ITPK1: variants seen among roughly 807,000 people sequenced by gnomAD.
ITPK1 encodes inositol-tetrakisphosphate 1-kinase, also known as inositol 1,3,4-trisphosphate 5/6-kinase.
ITPK1 carries 21 observed loss-of-function variants against 45.3 expected under a neutral mutation model. The observed-to-expected ratio is 0.46, with a 90% confidence interval of 0.33 to 0.67. The LOEUF is 0.67. Ranked by LOEUF, ITPK1 falls within the 30% of genes least tolerant of loss-of-function variation. The pLI is 0.02. For synonymous variants in ITPK1, 258 were observed against 253.6 expected, an observed-to-expected ratio of 1.02 and a Z score of -0.16; for missense variants, 474 against 573.5, an observed-to-expected ratio of 0.83 and a Z score of 1.77.
chr14:93,060,341 C>T (rs1272741848), intron 3 of ITPK1, among the ~76,000 whole-genome samples: 1 of 152,198 alleles, frequency 6.6e-6, no homozygotes, highest in Non-Finnish European at 1.5e-5. Context: ...TTCCTGCAAG[C>T]TCCCTGGCTA....
intron 5 of ITPK1, among the ~76,000 whole-genome samples, chr14:92,969,443 C>T (rs1467224188): frequency 1.3e-5 from 2 of 152,182 alleles, no homozygotes; most frequent in African/African-American, 4.8e-5. Context: ...AAAGGCCCAA[C>T]CTGCTGCTCT....
Position 93,032,014 on chromosome 14 carries a change from A to T in ITPK1, c.121-15213T>A, listed in dbSNP as rs1889085475. 6.6e-6 allele frequency among the ~76,000 whole-genome samples: 1 copy of T among 152,170 alleles called. No homozygotes were observed. The highest frequency in any genetic ancestry group is 2.4e-5 in the African/African-American group (1 of 41,448). The stretch of plus-strand genomic sequence containing the variant: ...ATTCATTGCTTTCCAATCCGAAGAG[A>T]GCATTCCTTGAGGCAGTTTTCCAAA... On this transcript the variant is annotated intron_variant, in intron 3 of 10. Coordinates refer to ENST00000267615, the MANE Select transcript of ITPK1 (RefSeq NM_014216.6). This position sits in a 1 kb window ranked among gnomAD's most constrained non-coding sequence, Gnocchi z 4.0.
rs1432279615 is a variant in ITPK1, at chr14:92,958,495, C to T, written c.505-129G>A. 3.1e-5 allele frequency: 25 copies of T among 807,446 alleles called. No homozygotes were observed. The highest frequency in any genetic ancestry group is 4.9e-5 in the Non-Finnish European group (25 of 506,418). The allele number at this position is 807,446 out of a possible 1,614,324, so 50.0% of individuals were successfully genotyped here. ...CCTGGTCCTGTGGCATGAGGACTCCCCTAGAGGAGCCTTGAGCCAGGGTGA... is the reference window on the plus strand; with the variant it reads ...CCTGGTCCTGTGGCATGAGGACTCCTCTAGAGGAGCCTTGAGCCAGGGTGA... On this transcript the variant is annotated intron_variant, in intron 7 of 10. Transcript: ENST00000267615. The surrounding 1 kb of genome is among the most constrained non-coding windows in gnomAD (Gnocchi z 4.4).
chr14:93,033,609 G>GA (rs774419950), intron 3 of ITPK1, among the ~76,000 whole-genome samples: 1 of 152,176 alleles, frequency 6.6e-6, no homozygotes, highest in Non-Finnish European at 1.5e-5. Context: ...CTCCTGCTGA[G>GA]AAAACCAAAC....
chr14:92,940,506 T>C lies in ITPK1; in HGVS notation c.*1055A>G. On this transcript the variant is annotated 3_prime_UTR_variant, in exon 11 of 11. Transcript: ENST00000267615. ...AGTGCTTGGGGCTTGCAATGAGAGG[T>C]GGACCAGGCCTGCTGGGTGAGGAGG... 1.8e-6 allele frequency: 2 copies of C among 1,142,254 alleles called. No individual in the cohort carries two copies. Among genetic ancestry groups the C allele is most frequent in the Non-Finnish European group, 2.2e-6 (2 of 917,682 alleles). 70.8% of individuals were successfully genotyped at this position (1,142,254 alleles called of 1,614,324 possible).
At chr14:92,981,980 C>T (rs1020980073) in intron 5 of ITPK1, among the ~76,000 whole-genome samples, 2 of 152,228 alleles carry the variant, frequency 1.3e-5, no homozygotes, top group Non-Finnish European at 1.5e-5. Flanking sequence ...AAGAGGGGTG[C>T]CCCTGGGGTT....
chr14:92,960,991 C>T (rs533917083), intron 7 of ITPK1, among the ~76,000 whole-genome samples: 58 of 152,394 alleles, frequency 3.8e-4, no homozygotes, highest in African/African-American at 1.1e-3. Flanking sequence ...GCATGTGCTG[C>T]GCTACGCTGA....
At chr14:93,037,902 T>C (rs1283449680) in intron 3 of ITPK1, among the ~76,000 whole-genome samples, 1 of 152,246 alleles carries the variant, frequency 6.6e-6, no homozygotes, top group Non-Finnish European at 1.5e-5. Flanking sequence ...TAACTTAATC[T>C]CAGAGATAGC....
chr14:93,018,380 CTGGCTCTCGGGCCTGCCCACACCCTGTGA>C (rs1888296542), intron 3 of ITPK1, among the ~76,000 whole-genome samples: 1 of 152,106 alleles, frequency 6.6e-6, no homozygotes, highest in South Asian at 2.1e-4. Flanking sequence ...TTGTCCTGTG[CTGGCTCTCGGGCCTGCCCACACCCTGTGA>C]TGGTCCCTTA....
At chr14:92,953,214 G>A (rs1251860830) in intron 8 of ITPK1, among the ~76,000 whole-genome samples, 7 of 152,270 alleles carry the variant, frequency 4.6e-5, no homozygotes, top group Non-Finnish European at 5.9e-5. Flanking sequence ...TGATTCGGGC[G>A]GAAGCCAAGC....
intron 5 of ITPK1, among the ~76,000 whole-genome samples, chr14:92,985,619 T>C (rs1199159604): frequency 6.6e-6 from 1 of 151,884 alleles, no homozygotes; most frequent in Admixed American, 6.6e-5. Flanking sequence ...CAGGTACACA[T>C]TTGCAAACAC....
At chr14:92,981,068 C>A (rs1360266311) in intron 5 of ITPK1, among the ~76,000 whole-genome samples, 1 of 152,192 alleles carries the variant, frequency 6.6e-6, no homozygotes, top group Non-Finnish European at 1.5e-5. Context: ...AGCCCCCCAG[C>A]ACTGTCCTGC....
At chr14:93,113,888 C>T (rs1418324167) in intron 2 of ITPK1, among the ~76,000 whole-genome samples, 2 of 152,194 alleles carry the variant, frequency 1.3e-5, no homozygotes, top group Non-Finnish European at 2.9e-5. Context: ...GCGGGGCTTG[C>T]ACGGGGCAAA....
intron 2 of ITPK1, among the ~76,000 whole-genome samples, chr14:93,082,400 G>T (rs1305001601): frequency 6.6e-6 from 1 of 152,170 alleles, no homozygotes; most frequent in Non-Finnish European, 1.5e-5. Flanking sequence ...GGCAGGAGCG[G>T]AAGAGGTGGG....
intron 3 of ITPK1, among the ~76,000 whole-genome samples, chr14:93,028,108 G>C (rs746259679): frequency 6.6e-6 from 1 of 152,196 alleles, no homozygotes; most frequent in Non-Finnish European, 1.5e-5. Context: ...CCTTGCACAC[G>C]CACAGGAGCC....
At position 92,980,024 on chromosome 14, in the gene ITPK1, AC is replaced by A. The variant is rs538762053; in HGVS notation, c.364+13855del. Among the ~76,000 whole-genome samples, 134 of 151,780 alleles carry A rather than the reference AC, an allele frequency of 8.8e-4. No homozygotes were observed. In the Middle Eastern group the frequency reaches 0.01, roughly 12 times the overall value. ...TGGAACTCCTGACGTCAAACGATCC[AC>A]CCGCCTCAGCCTCTCAAAGTGCTGG... On this transcript the variant is annotated intron_variant, in intron 5 of 10. Coordinates refer to ENST00000267615, the MANE Select transcript of ITPK1 (RefSeq NM_014216.6).
chr14:93,060,284 G>A (rs114264836), intron 3 of ITPK1, among the ~76,000 whole-genome samples: 2,420 of 152,272 alleles, frequency 0.016, 68 homozygotes, highest in African/African-American at 0.056. Context: ...TCAACAAACA[G>A]CCCCTGCTTT....
chr14:93,042,033 C>T (rs1010690864), intron 3 of ITPK1, among the ~76,000 whole-genome samples: 1 of 152,208 alleles, frequency 6.6e-6, no homozygotes, highest in Admixed American at 6.5e-5. Flanking sequence ...GCCTACCACA[C>T]AGCTGCCATG....
chr14:93,083,422 G>A lies in ITPK1; in HGVS notation c.96-6803C>T. On this transcript the variant is annotated intron_variant, in intron 2 of 10. Transcript: ENST00000267615. ...AGGGCAGGGTGGGGACCTGAGCGCT[G>A]CAGCAAGTGAAGTACATGAAATGGT... 1.3e-5 allele frequency among the ~76,000 whole-genome samples: 2 copies of A among 152,166 alleles called. 1 individual carries two copies. Among genetic ancestry groups the A allele is most frequent in the East Asian group, 3.9e-4 (2 of 5,192 alleles).
Sources: gnomAD v4.1 joint callset for allele counts (sites outside exome capture counted in the v4.1 genomes callset) on GRCh38, gnomAD v4.1.1 for gene constraint, Gnocchi (gnomAD v3.1) non-coding constraint, MANE v1.5 for transcripts, NCBI Gene and HGNC (gene_info 2026-07-23, HGNC 2026-07-21) for gene names.